Variants in TRIP12 observed in about 807,000 individuals in gnomAD.
TRIP12 encodes the protein thyroid hormone receptor interactor 12, also known as E3 ubiquitin-protein ligase TRIP12.
Under a neutral mutation model 244.2 loss-of-function variants are expected in TRIP12, and 25 were observed. The ratio of observed to expected loss-of-function variants is 0.10; its 90% CI spans 0.07 to 0.14. The LOEUF is 0.14. TRIP12 is among the 10% of genes least tolerant of loss of function. TRIP12 has a pLI of 1.00. For missense variants in TRIP12, 1,677 were observed against 2,486.4 expected (o/e 0.67, Z 6.92); for synonymous variants, 905 against 873.1 (o/e 1.04, Z -0.64).
At chr2:229,909,764 G>C (rs1367573646) in intron 1 of TRIP12, among the ~76,000 whole-genome samples, 1 of 152,044 alleles carries the variant, frequency 6.6e-6, no homozygotes, top group Non-Finnish European at 1.5e-5. Flanking sequence ...AAGGCAGGAG[G>C]ATCACAAGAT....
intron 27 of TRIP12, 35 bp downstream of exon 27, chr2:229,792,938 A>G (rs748553563): frequency 1.3e-6 from 2 of 1,593,318 alleles, no homozygotes; most frequent in Admixed American, 1.8e-5. Flanking sequence ...CCAAATATAC[A>G]TATATAACAC....
intron 1 of TRIP12, 165 bp downstream of exon 1, chr2:229,921,709 CCCGCCG>C (rs1248636524): frequency 3.9e-5 from 6 of 152,092 alleles, no homozygotes; most frequent in Admixed American, 3.3e-4. Flanking sequence ...CTTCCGCGGC[CCCGCCG>C]CCGCCGGCGC....
At position 229,766,007 on chromosome 2, in the gene TRIP12, C is replaced by T. The variant is rs747403339; in HGVS notation, c.*1547G>A. ...GACACAGCAATCTATGTCAAACAAG[C>T]CACTGAGTTTCTTTTGGGTGGTGGG... On this transcript the variant is annotated 3_prime_UTR_variant, in exon 42 of 42. Transcript: ENST00000675903. 1.8e-4 allele frequency: 28 copies of T among 152,108 alleles called. No individual in the cohort carries two copies. Among genetic ancestry groups the T allele is most frequent in the Non-Finnish European group, 3.1e-4 (21 of 68,026 alleles). The allele number at this position is 152,108 out of a possible 1,614,324, so 9.4% of individuals were successfully genotyped here. A position where few individuals can be genotyped will look rare whatever the true frequency, so the allele number is the denominator to read the frequency against.
chr2:229,767,333 G>C lies in TRIP12; in HGVS notation c.*221C>G, dbSNP rs2032102968. 4.9e-6 allele frequency: 2 copies of C among 410,614 alleles called. No individual in the cohort carries two copies. The highest frequency in any genetic ancestry group is 8.4e-6 in the Non-Finnish European group (2 of 237,142). 25.4% of individuals were successfully genotyped at this position (410,614 alleles called of 1,614,324 possible). On this transcript the variant is annotated 3_prime_UTR_variant, in exon 42 of 42. Transcript: ENST00000675903. ...TAAATGATAATTTAAACAAGAACTT[G>C]CTAAAGAAACCTCATCACAACAACG...
intron 8 of TRIP12, among the ~76,000 whole-genome samples, chr2:229,828,787 A>T (rs557726303): frequency 7.2e-5 from 11 of 151,946 alleles, no homozygotes; most frequent in African/African-American, 1.5e-4. Context: ...TATATATATA[A>T]AAAGTACACA....
intron 15 of TRIP12, 46 bp from the exon 16 acceptor site, chr2:229,808,415 TAC>T (rs751357523): frequency 3.1e-6 from 4 of 1,274,716 alleles, no homozygotes; most frequent in African/African-American, 1.5e-5. Context: ...AAACTAGTTA[TAC>T]TACCTCATTC....
intron 1 of TRIP12, among the ~76,000 whole-genome samples, chr2:229,902,632 T>G (rs1228974805): frequency 6.6e-6 from 1 of 152,218 alleles, no homozygotes; most frequent in Non-Finnish European, 1.5e-5. Context: ...AGAGCTAGAC[T>G]TCCAACATTT....
At chr2:229,798,725 A>T in intron 23 of TRIP12, 150 bp downstream of exon 23, 1 of 871,040 alleles carries the variant, frequency 1.1e-6, no homozygotes, top group Non-Finnish European at 1.7e-6. Flanking sequence ...ATAAACTGAG[A>T]AACTACCTAA....
At chr2:229,804,339 T>G in intron 18 of TRIP12, 112 bp from the exon 19 acceptor site, 1 of 893,458 alleles carries the variant, frequency 1.1e-6, no homozygotes, top group Non-Finnish European at 1.7e-6. Context: ...CTATGAAAAC[T>G]TTTTCATTAT....
intron 3 of TRIP12, 147 bp downstream of exon 3, chr2:229,860,259 G>GAT: frequency 7.0e-6 from 7 of 997,384 alleles, no homozygotes; most frequent in Middle Eastern, 3.4e-4. Context: ...CTGCAAAGGT[G>GAT]ATAAACTGTC....
At chr2:229,785,966 A>G (rs2039878654) in intron 33 of TRIP12, 111 bp from the exon 34 acceptor site, 1 of 935,264 alleles carries the variant, frequency 1.1e-6, no homozygotes, top group African/African-American at 1.7e-5. Context: ...AATTGTTAAC[A>G]CTTATTTCCT....
At chr2:229,825,390 G>C (rs751407320) in intron 8 of TRIP12, among the ~76,000 whole-genome samples, 1 of 152,178 alleles carries the variant, frequency 6.6e-6, no homozygotes, top group Non-Finnish European at 1.5e-5. Flanking sequence ...GATCTATGGG[G>C]AAATGAACAA....
chr2:229,851,234 G>A (rs111857561), intron 4 of TRIP12, among the ~76,000 whole-genome samples: 2 of 152,066 alleles, frequency 1.3e-5, no homozygotes. Context: ...ATTGTAAATC[G>A]GCACTCTGTA....
chr2:229,831,294 G>A (rs1334903572), intron 6 of TRIP12: 12 of 609,404 alleles, frequency 2.0e-5, no homozygotes, highest in East Asian at 8.3e-5. Flanking sequence ...CTTTATTTCC[G>A]GACTACAGTC....
intron 34 of TRIP12, among the ~76,000 whole-genome samples, chr2:229,785,051 A>T (rs2039556145): frequency 5.9e-5 from 9 of 152,248 alleles, no homozygotes; most frequent in Admixed American, 5.9e-4. Flanking sequence ...TGATTGTTAA[A>T]CATACTTTGG....
At position 229,787,497 on chromosome 2, in the gene TRIP12, A is replaced by G. The variant is rs370794952; in HGVS notation, c.4995+8T>C. ...CAGATTATTTAAAGATTTTGGGGAG[A>G]AACTTACTTTTTTTCTATCCAATCT... On this transcript the variant is annotated splice_region_variant and intron_variant, in intron 33 of 41. Transcript: ENST00000675903. The G allele has an allele frequency of 3.8e-6, 6 of 1,592,652 alleles. No homozygotes were observed. The highest frequency in any genetic ancestry group is 1.4e-5 in the African/African-American group (1 of 73,396).
chr2:229,766,506 A>G lies in TRIP12; in HGVS notation c.*1048T>C, dbSNP rs2031786273. 1 of 152,208 alleles carries G rather than the reference A, an allele frequency of 6.6e-6. No individual in the cohort carries two copies. The allele number at this position is 152,208 out of a possible 1,614,324, so 9.4% of individuals were successfully genotyped here. Reference sequence around the variant, plus strand: ...CAGGTGCTTTTATCTGCGTCGAGACAAAGGCTGAACTGTTTTGTCCCAAGT... The same window carrying G: ...CAGGTGCTTTTATCTGCGTCGAGACGAAGGCTGAACTGTTTTGTCCCAAGT... On this transcript the variant is annotated 3_prime_UTR_variant, in exon 42 of 42. Coordinates refer to ENST00000675903, the MANE Select transcript of TRIP12 (RefSeq NM_001348323.3).
chr2:229,870,667 TG>T (rs777363298), intron 2 of TRIP12, among the ~76,000 whole-genome samples: 2 of 152,188 alleles, frequency 1.3e-5, no homozygotes, highest in Non-Finnish European at 2.9e-5. Flanking sequence ...AGAAGGAAAT[TG>T]CAAGGTATTT....
chr2:229,848,534 C>A (rs565986836), intron 4 of TRIP12, among the ~76,000 whole-genome samples: 3 of 152,046 alleles, frequency 2.0e-5, no homozygotes, highest in South Asian at 4.2e-4. Context: ...AGAAATCTAC[C>A]AGAAACAGAA....
Sources: allele counts gnomAD v4.1 joint callset (sites outside exome capture counted in the v4.1 genomes callset), GRCh38; gene constraint gnomAD v4.1.1; transcripts MANE v1.5; gene names NCBI Gene and HGNC (gene_info 2026-07-23, HGNC 2026-07-21).